The following MPRIP variants were observed in gnomAD, a reference collection of about 807,000 sequenced individuals.
MPRIP encodes the protein myosin phosphatase Rho-interacting protein.
MPRIP carries 59 observed loss-of-function variants against 234.9 expected under a neutral mutation model. The observed-to-expected ratio is 0.25, with a 90% CI of 0.20 to 0.31. The LOEUF is 0.31. Ranked by LOEUF, MPRIP falls within the 10% of genes least tolerant of loss-of-function variation. The pLI is 1.00. For missense variants in MPRIP, 2,436 were observed against 3,071.0 expected (o/e 0.79, Z 4.89); for synonymous variants, 1,144 against 1,263.9 (o/e 0.91, Z 2.01).
intron 3 of MPRIP, among the ~76,000 whole-genome samples, chr17:17,103,415 A>G (rs1320331437): frequency 6.6e-6 from 1 of 152,172 alleles, no homozygotes. Flanking sequence ...AGCGGCTGCT[A>G]TTTTTAGTAA....
chr17:17,147,456 A>C, intron 11 of MPRIP, 69 bp downstream of exon 11: 1 of 1,426,808 alleles, frequency 7.0e-7, no homozygotes, highest in Non-Finnish European at 9.9e-7. Context: ...TGGGGCTAGT[A>C]GATCTGCTTC....
Position 17,171,727 on chromosome 17 carries a change from G to C in MPRIP, c.6334G>C (p.Glu2112Gln). 2 of 1,612,710 alleles carry C rather than the reference G, an allele frequency of 1.2e-6. No individual in the cohort carries two copies. The highest frequency in any genetic ancestry group is 1.7e-6 in the Non-Finnish European group (2 of 1,179,978). Residue 2112 changes from glutamate to glutamine, a missense_variant, in exon 17 of 24, where the codon GAG becomes CAG. Coordinates refer to ENST00000651222, the MANE Select transcript of MPRIP (RefSeq NM_001364716.4). The stretch of plus-strand genomic sequence containing the variant: ...CTTTTGCATTTTGCAGGCCACGTGC[G>C]AGCGAGGGTTTGCAGCAATGGAAGA... ...RDLESLKATC[E>Q]RGFAAMEETH...
At chr17:17,171,020 GAGTA>G (rs2046121653) in intron 16 of MPRIP, 1 of 152,168 alleles carries the variant, frequency 6.6e-6, no homozygotes, top group Non-Finnish European at 1.5e-5. Flanking sequence ...TTTAAGAAAA[GAGTA>G]AGAAAGAAGA....
intron 3 of MPRIP, among the ~76,000 whole-genome samples, chr17:17,093,553 C>T (rs1341740865): frequency 6.6e-6 from 1 of 152,116 alleles, no homozygotes; most frequent in Non-Finnish European, 1.5e-5. Context: ...ACCCTTGGAT[C>T]TTACTGTGCT....
chr17:17,148,161 G>A (rs905012471), intron 11 of MPRIP, among the ~76,000 whole-genome samples: 1 of 152,226 alleles, frequency 6.6e-6, no homozygotes, highest in African/African-American at 2.4e-5. Flanking sequence ...AAAGGTGGTA[G>A]TGATAAGAAG....
intron 3 of MPRIP, among the ~76,000 whole-genome samples, chr17:17,117,170 G>A (rs576029851): frequency 6.6e-5 from 10 of 152,306 alleles, no homozygotes; most frequent in South Asian, 2.1e-4. Context: ...TGAACCCATC[G>A]TCTTCTGACC....
chr17:17,157,636 C>T (rs1015429300), intron 13 of MPRIP, among the ~76,000 whole-genome samples: 9 of 152,176 alleles, frequency 5.9e-5, no homozygotes, highest in African/African-American at 2.2e-4. Flanking sequence ...TGAGACCAGC[C>T]TGGCCAACAT....
intron 20 of MPRIP, 140 bp downstream of exon 20, chr17:17,175,552 A>C: frequency 8.3e-7 from 1 of 1,199,478 alleles, no homozygotes; most frequent in Non-Finnish European, 1.1e-6. Flanking sequence ...GGAAGATCCA[A>C]ATCACCCGAA....
At chr17:17,127,136 C>T (rs181548085) in intron 4 of MPRIP, among the ~76,000 whole-genome samples, 5 of 152,372 alleles carry the variant, frequency 3.3e-5, no homozygotes, top group Admixed American at 1.3e-4. Flanking sequence ...CTCACCTGCC[C>T]CTCCACCTGG....
intron 3 of MPRIP, among the ~76,000 whole-genome samples, chr17:17,109,259 A>G (rs1208127973): frequency 6.6e-6 from 1 of 152,252 alleles, no homozygotes; most frequent in East Asian, 1.9e-4. Context: ...ACTTCCAGAC[A>G]GTGGTGTAAA....
At chr17:17,084,830 CTGCCT>C (rs1387572046) in intron 3 of MPRIP, among the ~76,000 whole-genome samples, 1 of 152,212 alleles carries the variant, frequency 6.6e-6, no homozygotes, top group African/African-American at 2.4e-5. Flanking sequence ...TAGGGTCCAC[CTGCCT>C]TCTTTGCTAC....
chr17:17,060,474 G>A (rs1223325931), intron 1 of MPRIP, among the ~76,000 whole-genome samples: 1 of 152,206 alleles, frequency 6.6e-6, no homozygotes, highest in Non-Finnish European at 1.5e-5. Context: ...CTTGGTGCCT[G>A]TTTTGCTTCC....
intron 12 of MPRIP, 108 bp downstream of exon 12, chr17:17,150,341 G>T: frequency 1.3e-6 from 1 of 774,346 alleles, no homozygotes; most frequent in Non-Finnish European, 2.2e-6. Flanking sequence ...GATGCAGCGT[G>T]TATGGTCAGC....
At chr17:17,106,403 C>T (rs558178613) in intron 3 of MPRIP, among the ~76,000 whole-genome samples, 13 of 152,318 alleles carry the variant, frequency 8.5e-5, no homozygotes, top group African/African-American at 2.9e-4. Flanking sequence ...CCATGCCTGG[C>T]GTGGGCAGAA....
chr17:17,171,996 C>T, intron 17 of MPRIP, 131 bp downstream of exon 17: 3 of 1,129,666 alleles, frequency 2.7e-6, no homozygotes, highest in Non-Finnish European at 2.5e-6. Context: ...TTGAAGGGTT[C>T]TTTGACTATT....
chr17:17,122,854 C>A (rs1303909975), intron 3 of MPRIP, among the ~76,000 whole-genome samples: 6 of 152,204 alleles, frequency 3.9e-5, no homozygotes, highest in Non-Finnish European at 8.8e-5. Context: ...TTCCATATGA[C>A]CCAGCACTTC....
chr17:17,143,707 C>T, intron 9 of MPRIP, 38 bp downstream of exon 9: 1 of 1,412,830 alleles, frequency 7.1e-7, no homozygotes, highest in Non-Finnish European at 9.8e-7. Flanking sequence ...GGCCGTGCTC[C>T]TCTGCTTCTG....
chr17:17,173,881 A>G, intron 18 of MPRIP, 35 bp from the exon 19 acceptor site: 1 of 1,612,934 alleles, frequency 6.2e-7, no homozygotes, highest in Non-Finnish European at 8.5e-7. Flanking sequence ...CTTGTCCAGA[A>G]GCAGGCAGAG....
chr17:17,091,009 G>A (rs1252455158), intron 3 of MPRIP, among the ~76,000 whole-genome samples: 7 of 151,806 alleles, frequency 4.6e-5, no homozygotes, highest in African/African-American at 1.5e-4. Flanking sequence ...CCTGTGGAGC[G>A]TGCCGGCCAC....
Sources: gnomAD v4.1 joint callset for allele counts (sites outside exome capture counted in the v4.1 genomes callset) on GRCh38, gnomAD v4.1.1 for gene constraint, MANE v1.5 for transcripts, NCBI Gene and HGNC (gene_info 2026-07-23, HGNC 2026-07-21) for gene names.